The following TMPRSS3 variants were observed in gnomAD, a reference collection of about 807,000 sequenced individuals.
TMPRSS3 encodes the protein transmembrane serine protease 3, also known as transmembrane protease serine 3.
Under a neutral mutation model 59.6 loss-of-function variants are expected in TMPRSS3, and 55 were observed. That is an observed-to-expected ratio of 0.92 (90% confidence interval 0.74 to 1.16). The LOEUF (loss-of-function observed/expected upper bound fraction) is 1.16. TMPRSS3 is among the 50% of genes most tolerant of loss of function. The pLI is 0.00. For synonymous variants in TMPRSS3, 257 were observed against 237.7 expected (o/e 1.08, Z -0.75); for missense variants, 596 against 579.4 (o/e 1.03, Z -0.29).
Position 42,382,081 on chromosome 21 carries a change from C to G in TMPRSS3, c.936G>C (p.Gly312=). The part of the protein sequence containing the change: ...GNDIALMKLA[G]PLTFNEMIQP... ...CAGATGTACCATTGAACGTGAGTGGCCCGGCCAGCTTCATAAGGGCGATGT... is the reference window on the plus strand; with the variant it reads ...CAGATGTACCATTGAACGTGAGTGGGCCGGCCAGCTTCATAAGGGCGATGT... Residue 312 remains glycine (G), a synonymous_variant, in exon 9 of 13, where the codon GGG becomes GGC. Coordinates refer to ENST00000644384, the MANE Select transcript of TMPRSS3 (RefSeq NM_001256317.3). 1 of 1,614,214 alleles carries G rather than the reference C, an allele frequency of 6.2e-7. No individual in the cohort carries two copies. The highest frequency in any genetic ancestry group is 8.5e-7 in the Non-Finnish European group (1 of 1,180,024).
intron 1 of TMPRSS3, 96 bp from the exon 2 acceptor site, chr21:42,395,564 G>T: frequency 1.4e-6 from 1 of 732,824 alleles, no homozygotes. Context: ...AAATTCGACA[G>T]TCCACACAAA....
At chr21:42,377,660 G>A (rs1250088652) in intron 10 of TMPRSS3, among the ~76,000 whole-genome samples, 2 of 152,180 alleles carry the variant, frequency 1.3e-5, no homozygotes, top group Non-Finnish European at 2.9e-5. Flanking sequence ...GCTGGTTTGT[G>A]ACCCAGGCAT....
Position 42,388,667 on chromosome 21 carries a change from A to G in TMPRSS3, c.323-141T>C, listed in dbSNP as rs1188516962. 2.5e-6 allele frequency: 3 copies of G among 1,224,118 alleles called. No individual in the cohort carries two copies. The highest frequency in any genetic ancestry group is 3.6e-6 in the Non-Finnish European group (3 of 844,814). The allele number at this position is 1,224,118 out of a possible 1,614,324, so 75.8% of individuals were successfully genotyped here. Reference sequence around the variant, plus strand: ...TTGTCCACGGCAGCCTCCCCATCACAGAGCAGTGACTCTGGATCCCTGAGA... The same window carrying G: ...TTGTCCACGGCAGCCTCCCCATCACGGAGCAGTGACTCTGGATCCCTGAGA... On this transcript the variant is annotated intron_variant, in intron 4 of 12. Coordinates refer to ENST00000644384, the MANE Select transcript of TMPRSS3 (RefSeq NM_001256317.3). The surrounding 1 kb of genome is among the most constrained non-coding windows in gnomAD (Gnocchi z 5.1).
chr21:42,374,384 T>A (rs748373), intron 12 of TMPRSS3, among the ~76,000 whole-genome samples: 39,097 of 152,238 alleles, frequency 0.26, 5,095 homozygotes, highest in Middle Eastern at 0.33. Context: ...CCTCACCCTG[T>A]GCCCGTGGGC....
chr21:42,376,775 G>C, intron 10 of TMPRSS3, 92 bp from the exon 11 acceptor site: 1 of 1,578,752 alleles, frequency 6.3e-7, no homozygotes, highest in Non-Finnish European at 8.7e-7. Flanking sequence ...GTGAGGGAAC[G>C]AGGGACGAGG....
intron 8 of TMPRSS3, 193 bp downstream of exon 8, chr21:42,382,840 A>C (rs1189186214): frequency 1.5e-6 from 1 of 682,524 alleles, no homozygotes; most frequent in African/African-American, 1.8e-5. Flanking sequence ...AAACAAGCTC[A>C]GGGTCACAAG....
chr21:42,375,347 T>A (rs914061447), intron 12 of TMPRSS3, among the ~76,000 whole-genome samples: 2 of 147,876 alleles, frequency 1.4e-5, no homozygotes, highest in East Asian at 4.1e-4. Context: ...TCTCCCGCAC[T>A]GTCTCAGCCC....
At chr21:42,382,891 A>C in intron 8 of TMPRSS3, 142 bp downstream of exon 8, 1 of 1,006,646 alleles carries the variant, frequency 9.9e-7, no homozygotes, top group Non-Finnish European at 1.5e-6. Context: ...GTGAGGCTGG[A>C]GACTCCTCTC....
Position 42,385,473 on chromosome 21 carries a change from C to G in TMPRSS3, c.508G>C (p.Val170Leu), listed in dbSNP as rs763956555. The change falls in exon 6 of 13, where the codon GTG becomes CTG. Residue 170 changes from valine (V) to leucine (L), a missense_variant. Physicochemically the swap from Val to Leu is conservative, Grantham distance 32. Coordinates refer to ENST00000644384, the MANE Select transcript of TMPRSS3 (RefSeq NM_001256317.3). ...SLEGQFREEF[V>L]SIDHLLPDDK... The stretch of plus-strand genomic sequence containing the variant: ...TCTGGCAAGAGGTGATCGATGGACA[C>G]AAACTCCTCCCGGAACTGCCCCTCC... 1 of 1,614,186 alleles carries G rather than the reference C, an allele frequency of 6.2e-7. No homozygotes were observed. Among genetic ancestry groups the G allele is most frequent in the Non-Finnish European group, 8.5e-7 (1 of 1,180,034 alleles).
intron 6 of TMPRSS3, among the ~76,000 whole-genome samples, chr21:42,385,041 C>G (rs1314285027): frequency 7.2e-6 from 1 of 138,750 alleles, no homozygotes; most frequent in Admixed American, 6.9e-5. Context: ...CTCTTCCTCC[C>G]TCCCTCCCTT....
intron 5 of TMPRSS3, 135 bp from the exon 6 acceptor site, chr21:42,385,669 T>A: frequency 8.6e-7 from 1 of 1,164,950 alleles, no homozygotes; most frequent in Non-Finnish European, 1.3e-6. Context: ...CATCAAAGGC[T>A]TCCTTTGCCA....
intron 5 of TMPRSS3, among the ~76,000 whole-genome samples, chr21:42,386,704 T>A (rs1690952716): frequency 6.6e-6 from 1 of 152,188 alleles, no homozygotes; most frequent in South Asian, 2.1e-4. Context: ...AACTGAGGCA[T>A]GAACTGTGTG....
intron 8 of TMPRSS3, chr21:42,382,523 C>A: frequency 2.1e-6 from 1 of 481,688 alleles, no homozygotes; most frequent in South Asian, 2.2e-5. Context: ...CTATCAGGCA[C>A]TACTGTTCAT....
chr21:42,374,469 A>C (rs2052386736), intron 12 of TMPRSS3, among the ~76,000 whole-genome samples: 2 of 152,370 alleles, frequency 1.3e-5, no homozygotes, highest in African/African-American at 2.4e-5. Flanking sequence ...AGGCACATTC[A>C]GCATTTGATG....
chr21:42,376,258 G>A (rs192978185), intron 11 of TMPRSS3, among the ~76,000 whole-genome samples: 64 of 152,180 alleles, frequency 4.2e-4, no homozygotes, highest in Non-Finnish European at 7.6e-4. Flanking sequence ...CTGGTTCCCC[G>A]CCACCTGCCT....
intron 1 of TMPRSS3, 92 bp from the exon 2 acceptor site, chr21:42,395,560 G>A (rs914406098): frequency 1.1e-5 from 8 of 760,694 alleles, no homozygotes; most frequent in Admixed American, 2.0e-5. Context: ...TTTGAAATTC[G>A]ACAGTCCACA....
At position 42,388,555 on chromosome 21, in the gene TMPRSS3, T is replaced by C. The variant is rs1202856659; in HGVS notation, c.323-29A>G. ...GCCGATGTGCAGAAAGAAAGGCTTATTAGTGGCCAGTGGAACCCTGAGACC... is the reference window on the plus strand; with the variant it reads ...GCCGATGTGCAGAAAGAAAGGCTTACTAGTGGCCAGTGGAACCCTGAGACC... On this transcript the variant is annotated intron_variant, in intron 4 of 12. Coordinates refer to ENST00000644384, the MANE Select transcript of TMPRSS3 (RefSeq NM_001256317.3). This position sits in a 1 kb window ranked among gnomAD's most constrained non-coding sequence, Gnocchi z 5.1. 2 of 1,614,042 alleles carry C rather than the reference T, an allele frequency of 1.2e-6. No homozygotes were observed. Among genetic ancestry groups the C allele is most frequent in the East Asian group, 2.2e-5 (1 of 44,898 alleles).
At position 42,372,561 on chromosome 21, in the gene TMPRSS3, A is replaced by G; in HGVS notation, c.*201T>C. Reference sequence around the variant, plus strand: ...GGCAACAGAGCGAGACTCCATCTCAAAAAAACAAAAAACAAAAAGCAGCTT... The same window carrying G: ...GGCAACAGAGCGAGACTCCATCTCAGAAAAACAAAAAACAAAAAGCAGCTT... On this transcript the variant is annotated 3_prime_UTR_variant, in exon 13 of 13. Transcript: ENST00000644384. The G allele has an allele frequency of 1.4e-6, 1 of 719,756 alleles. No individual in the cohort carries two copies. Among genetic ancestry groups the G allele is most frequent in the South Asian group, 1.5e-5 (1 of 68,682 alleles). The allele number at this position is 719,756 out of a possible 1,614,324, so 44.6% of individuals were successfully genotyped here. A position where few individuals can be genotyped will look rare whatever the true frequency, so the allele number is the denominator to read the frequency against.
At chr21:42,384,736 T>C (rs1417405507) in intron 6 of TMPRSS3, among the ~76,000 whole-genome samples, 1 of 152,158 alleles carries the variant, frequency 6.6e-6, no homozygotes, top group African/African-American at 2.4e-5. Flanking sequence ...AAGCCTACTG[T>C]TCCCAGAGCA....
Sources: allele counts gnomAD v4.1 joint callset (sites outside exome capture counted in the v4.1 genomes callset), GRCh38; gene constraint gnomAD v4.1.1; non-coding constraint Gnocchi (gnomAD v3.1); transcripts MANE v1.5; gene names NCBI Gene and HGNC (gene_info 2026-07-23, HGNC 2026-07-21).